BNC2: variants seen among roughly 807,000 people sequenced by gnomAD.
The protein encoded by BNC2 is zinc finger protein basonuclin-2.
Under a neutral mutation model 76.3 loss-of-function variants are expected in BNC2, and 20 were observed. The ratio of observed to expected loss-of-function variants is 0.26; its 90% CI spans 0.18 to 0.38. The LOEUF (loss-of-function observed/expected upper bound fraction) is 0.38, where lower values mean the gene tolerates loss of function less well. BNC2 is among the 10% of genes least tolerant of loss of function. BNC2 has a pLI of 1.00. For synonymous variants in BNC2, 582 were observed against 514.8 expected (o/e 1.13, Z -1.77); for missense variants, 1,382 against 1,399.8 (o/e 0.99, Z 0.20).
At chr9:16,453,852 A>T (rs1821392371) in intron 5 of BNC2, among the ~76,000 whole-genome samples, 1 of 152,178 alleles carries the variant, frequency 6.6e-6, no homozygotes, top group East Asian at 1.9e-4. Flanking sequence ...CCATTTGCTA[A>T]ATGATTTAAG....
At chr9:16,443,128 C>T (rs564547068) in intron 5 of BNC2, among the ~76,000 whole-genome samples, 1 of 146,494 alleles carries the variant, frequency 6.8e-6, no homozygotes, top group Non-Finnish European at 1.5e-5. Context: ...ATCATATGAA[C>T]TTATTTTCAG....
intron 1 of BNC2, among the ~76,000 whole-genome samples, chr9:16,762,664 CAG>C (rs1228672602): frequency 6.6e-6 from 1 of 152,182 alleles, no homozygotes; most frequent in African/African-American, 2.4e-5. Flanking sequence ...AAGTAACAGA[CAG>C]AGACAACGAG....
chr9:16,773,145 T>C (rs1420934079), intron 1 of BNC2, among the ~76,000 whole-genome samples: 2 of 152,188 alleles, frequency 1.3e-5, no homozygotes, highest in Admixed American at 6.5e-5. Context: ...AGGGACACTC[T>C]TGCCCAGACA....
chr9:16,698,959 A>G (rs1823427430), intron 3 of BNC2, among the ~76,000 whole-genome samples: 1 of 152,194 alleles, frequency 6.6e-6, no homozygotes, highest in Non-Finnish European at 1.5e-5. Flanking sequence ...CCTTTTGTAC[A>G]GAAGTTGTAT....
chr9:16,856,080 C>T (rs1273329403), intron 1 of BNC2, among the ~76,000 whole-genome samples: 1 of 151,940 alleles, frequency 6.6e-6, no homozygotes, highest in East Asian at 1.9e-4. Context: ...TGTTAAAAAC[C>T]ACAAAAAACA....
At chr9:16,703,120 T>C (rs1323888838) in intron 3 of BNC2, among the ~76,000 whole-genome samples, 1 of 152,304 alleles carries the variant, frequency 6.6e-6, no homozygotes, top group East Asian at 1.9e-4. Flanking sequence ...TCTTGGATTA[T>C]GAAAGGAAAC....
At chr9:16,451,329 TA>T (rs1303607794) in intron 5 of BNC2, among the ~76,000 whole-genome samples, 1 of 152,048 alleles carries the variant, frequency 6.6e-6, no homozygotes, top group Non-Finnish European at 1.5e-5. Context: ...AGATAGCCAT[TA>T]AAAAAATAGC....
chr9:16,801,743 A>AACAC lies in BNC2; in HGVS notation c.4-63262_4-63259dup, dbSNP rs1554737320. ...CACCCCCTTAAATTAAAAAAAAAAA[A>AACAC]ACACACACACACAGAAAAAATAAAA... is the stretch of plus-strand genomic sequence containing the variant. On this transcript the variant is annotated intron_variant, in intron 1 of 6. Transcript: ENST00000380672. 7.4e-5 allele frequency among the ~76,000 whole-genome samples: 11 copies of AACAC among 148,774 alleles called. No individual in the cohort carries two copies. In the South Asian group the frequency reaches 8.5e-4, roughly 11 times the overall value.
intron 5 of BNC2, among the ~76,000 whole-genome samples, chr9:16,480,744 G>A (rs1005640587): frequency 6.6e-6 from 1 of 152,234 alleles, no homozygotes; most frequent in East Asian, 1.9e-4. Flanking sequence ...CTGCCTTCCG[G>A]CGGGGCAGGG....
At chr9:16,671,851 A>G (rs761401187) in intron 3 of BNC2, among the ~76,000 whole-genome samples, 6 of 152,202 alleles carry the variant, frequency 3.9e-5, no homozygotes, top group Non-Finnish European at 8.8e-5. Flanking sequence ...TCCACCAAAT[A>G]TATCTACATA....
intron 1 of BNC2, among the ~76,000 whole-genome samples, chr9:16,780,113 G>A (rs1355860020): frequency 2.0e-5 from 3 of 151,404 alleles, no homozygotes; most frequent in Non-Finnish European, 4.4e-5. Flanking sequence ...GCGGGTGCCT[G>A]TAGTCCCAGC....
At chr9:16,621,307 A>C (rs1820862301) in intron 3 of BNC2, among the ~76,000 whole-genome samples, 1 of 152,116 alleles carries the variant, frequency 6.6e-6, no homozygotes, top group Non-Finnish European at 1.5e-5. Flanking sequence ...CAACCTCCAA[A>C]AGGAGAAACA....
intron 5 of BNC2, among the ~76,000 whole-genome samples, chr9:16,448,210 C>G (rs1176356412): frequency 6.6e-6 from 1 of 152,106 alleles, no homozygotes; most frequent in African/African-American, 2.4e-5. Flanking sequence ...CTTGCATAAA[C>G]CAAAGTTCCA....
At chr9:16,495,310 G>A (rs571975565) in intron 5 of BNC2, among the ~76,000 whole-genome samples, 12 of 152,232 alleles carry the variant, frequency 7.9e-5, no homozygotes, top group African/African-American at 2.2e-4. Context: ...ATTTAAATTC[G>A]ACATAAAATG....
chr9:16,526,334 C>T (rs956916864), intron 5 of BNC2, among the ~76,000 whole-genome samples: 3 of 152,064 alleles, frequency 2.0e-5, no homozygotes, highest in Non-Finnish European at 2.9e-5. Context: ...AGATCGTTTA[C>T]GAGGTAAATT....
chr9:16,818,357 T>C (rs1181917727), intron 1 of BNC2, among the ~76,000 whole-genome samples: 2 of 151,986 alleles, frequency 1.3e-5, no homozygotes, highest in Non-Finnish European at 2.9e-5. Flanking sequence ...TGAGCCGACA[T>C]GGCGCCACTG....
intron 3 of BNC2, among the ~76,000 whole-genome samples, chr9:16,687,817 G>C (rs1249335885): frequency 1.3e-5 from 2 of 152,104 alleles, no homozygotes; most frequent in South Asian, 4.1e-4. Flanking sequence ...ATTCTCAAGA[G>C]GGAAGGAGAA....
chr9:16,788,081 A>C (rs1826346520), intron 1 of BNC2, among the ~76,000 whole-genome samples: 1 of 152,166 alleles, frequency 6.6e-6, no homozygotes, highest in Non-Finnish European at 1.5e-5. Context: ...GGTGGAAAGG[A>C]TGTCCAGGAT....
chr9:16,794,676 C>T (rs768274900), intron 1 of BNC2, among the ~76,000 whole-genome samples: 2 of 152,078 alleles, frequency 1.3e-5, no homozygotes, highest in Non-Finnish European at 2.9e-5. Context: ...TGAGTAAGAG[C>T]CAGTAAATCA....
Sources: gnomAD v4.1 joint callset for allele counts (sites outside exome capture counted in the v4.1 genomes callset) on GRCh38, gnomAD v4.1.1 for gene constraint, MANE v1.5 for transcripts, NCBI Gene and HGNC (gene_info 2026-07-23, HGNC 2026-07-21) for gene names.